The following SAP130 variants were observed in gnomAD, a reference collection of about 807,000 sequenced individuals.
SAP130 encodes Sin3A associated protein 130.
In SAP130, 16 loss-of-function variants were observed where a neutral mutation model predicts 103.2. The ratio of observed to expected loss-of-function variants is 0.16; its 90% CI spans 0.10 to 0.24. The LOEUF (loss-of-function observed/expected upper bound fraction) is 0.24. Among genes scored for constraint, SAP130 ranks in the 10% least tolerant of loss-of-function variants. The probability of loss-of-function intolerance (pLI) is 1.00; values close to 1 mark genes in which losing one functional copy is unlikely to be tolerated. For synonymous variants in SAP130, 477 were observed against 497.0 expected (o/e 0.96, Z 0.53); for missense variants, 990 against 1,359.7 (o/e 0.73, Z 4.28).
chr2:128,012,542 C>T (rs1419114430), intron 6 of SAP130, among the ~76,000 whole-genome samples: 1 of 152,026 alleles, frequency 6.6e-6, no homozygotes, highest in Admixed American at 6.6e-5. Context: ...TACTCCATAT[C>T]CTAGAGAACC....
intron 19 of SAP130, among the ~76,000 whole-genome samples, chr2:127,944,018 T>C (rs1678887137): frequency 6.6e-6 from 1 of 152,214 alleles, no homozygotes; most frequent in Admixed American, 6.5e-5. Flanking sequence ...CTTTGTATCT[T>C]TATTCTATAA....
At chr2:128,009,056 G>T (rs1202300202) in intron 7 of SAP130, among the ~76,000 whole-genome samples, 1 of 152,020 alleles carries the variant, frequency 6.6e-6, no homozygotes, top group East Asian at 1.9e-4. Context: ...CCTCCACCCT[G>T]TTAGGTATAC....
chr2:128,025,729 G>A (rs1042784529), intron 2 of SAP130, among the ~76,000 whole-genome samples: 1 of 152,118 alleles, frequency 6.6e-6, no homozygotes, highest in African/African-American at 2.4e-5. Flanking sequence ...TCAGAAAGTG[G>A]AGCATCATGG....
At chr2:127,990,833 C>T (rs1262757625) in intron 12 of SAP130, among the ~76,000 whole-genome samples, 1 of 149,898 alleles carries the variant, frequency 6.7e-6, no homozygotes, top group African/African-American at 2.5e-5. Context: ...TCCAGCTACT[C>T]AGGAGGCTGA....
intron 18 of SAP130, among the ~76,000 whole-genome samples, chr2:127,947,764 C>CTGTGTGTGTGAG (rs147211610): frequency 0.016 from 2,327 of 143,356 alleles, 30 homozygotes; most frequent in East Asian, 0.034. Context: ...TTGTGTGTGT[C>CTGTGTGTGTGAG]TGTGTGTGTG....
chr2:127,947,809 C>T (rs993267065), intron 18 of SAP130, among the ~76,000 whole-genome samples: 4 of 29,860 alleles, frequency 1.3e-4, no homozygotes, highest in East Asian at 1.2e-3. Context: ...TGTTTTGAGA[C>T]GGAGTCTCAC....
intron 14 of SAP130, among the ~76,000 whole-genome samples, chr2:127,984,388 T>C (rs1682220693): frequency 6.6e-6 from 1 of 152,226 alleles, no homozygotes; most frequent in Admixed American, 6.5e-5. Flanking sequence ...TTATTGTGGT[T>C]TCTGTCTTCC....
rs1204534750 is a variant in SAP130, at chr2:127,942,079, C to T, written c.3101G>A (p.Arg1034His). The change falls in exon 21 of 21, where the codon CGT (arginine) becomes CAT (histidine). Residue 1034 changes from arginine (R) to histidine (H), a missense_variant. By Grantham distance (29) the Arg-to-His change is conservative (BLOSUM62 0). Around this residue, in one of 6 missense-constraint regions of SAP130, gnomAD observed 69 missense variants for 165.7 expected, o/e 0.42. Transcript: ENST00000643581. This position sits in a 1 kb window ranked among gnomAD's most constrained non-coding sequence, Gnocchi z 4.8. ...SMLKVLDHKD[R>H]VLKLLNKNGT... is the part of the protein sequence containing the mutation. ...GTTCTTGTTAAGCAGCTTCAGGACA[C>T]GGTCTTTATGATCTAAAACCTTAAG... 5.6e-6 allele frequency: 9 copies of T among 1,610,454 alleles called. No individual in the cohort carries two copies. The highest frequency in any genetic ancestry group is 2.7e-5 in the African/African-American group (2 of 74,594).
At chr2:127,970,017 C>A (rs1243282554) in intron 15 of SAP130, among the ~76,000 whole-genome samples, 1 of 151,944 alleles carries the variant, frequency 6.6e-6, no homozygotes, top group Non-Finnish European at 1.5e-5. Flanking sequence ...ATCACGAGGT[C>A]AAGAGATCGA....
Position 127,955,258 on chromosome 2 carries a change from T to C in SAP130, c.2150A>G (p.Gln717Arg). 2 of 1,613,880 alleles carry C rather than the reference T, an allele frequency of 1.2e-6. No individual in the cohort carries two copies. The highest frequency in any genetic ancestry group is 1.7e-6 in the Non-Finnish European group (2 of 1,179,876). Residue 717 changes from glutamine (Q) to arginine (R), a missense_variant, in exon 16 of 21, where the codon CAG becomes CGG. Physicochemically the swap from Gln to Arg is conservative, Grantham distance 43 (BLOSUM62 1). Transcript: ENST00000643581. This position sits in a 1 kb window ranked among gnomAD's most constrained non-coding sequence, Gnocchi z 4.9. ...AGTTGGAGGGACGGCAATGGTAGGC[T>C]GATCATTATTTTGATTGGATACAGT... ...METVSNQNND[Q>R]PTIAVPPTAQ...
chr2:127,944,306 G>A (rs1678913536), intron 19 of SAP130, among the ~76,000 whole-genome samples: 2 of 151,994 alleles, frequency 1.3e-5, no homozygotes, highest in South Asian at 4.1e-4. Context: ...AAAGTACTGG[G>A]ATCACAGGCC....
At chr2:128,012,770 C>T (rs1194384724) in intron 6 of SAP130, among the ~76,000 whole-genome samples, 1 of 151,794 alleles carries the variant, frequency 6.6e-6, no homozygotes, top group Non-Finnish European at 1.5e-5. Flanking sequence ...CCATCACTCC[C>T]TTCCTTGCCA....
chr2:128,004,360 CCTT>C (rs2105118187), intron 7 of SAP130, among the ~76,000 whole-genome samples: 1 of 97,122 alleles, frequency 1.0e-5, no homozygotes, highest in African/African-American at 4.2e-5. Context: ...TGCTTTCTTT[CCTT>C]TTTTTTTTTT....
chr2:128,012,730 T>C (rs1295178358), intron 6 of SAP130, among the ~76,000 whole-genome samples: 2 of 151,840 alleles, frequency 1.3e-5, no homozygotes, highest in African/African-American at 4.8e-5. Context: ...CCCTCAATCC[T>C]AGCTAGCCTT....
At position 127,984,249 on chromosome 2, in the gene SAP130, T is replaced by C. The variant is rs189328561; in HGVS notation, c.1958+2536A>G. ...TGCATAGCACTGTGTTACTGTTTTG[T>C]GGATGCAACCTTTTCTTTTGTCTTT... On this transcript the variant is annotated intron_variant, in intron 14 of 20. Coordinates refer to ENST00000643581, the MANE Select transcript of SAP130 (RefSeq NM_001330301.2). Among the ~76,000 whole-genome samples the C allele has an allele frequency of 5.9e-3, 893 of 152,342 alleles. 8 individuals carry two copies. The highest frequency in any genetic ancestry group is 8.0e-3 in the Non-Finnish European group (544 of 68,030).
At chr2:128,001,189 T>C (rs1450768051) in intron 7 of SAP130, among the ~76,000 whole-genome samples, 1 of 152,206 alleles carries the variant, frequency 6.6e-6, no homozygotes, top group Non-Finnish European at 1.5e-5. Flanking sequence ...GGTAGCAAGC[T>C]ACTGAAATGG....
chr2:127,958,603 T>A (rs1401526182), intron 15 of SAP130, among the ~76,000 whole-genome samples: 1 of 149,864 alleles, frequency 6.7e-6, no homozygotes, highest in African/African-American at 2.5e-5. Flanking sequence ...TGCCACACAC[T>A]CTCTCTCTCA....
intron 15 of SAP130, among the ~76,000 whole-genome samples, chr2:127,961,269 GC>G (rs1329134938): frequency 6.7e-6 from 1 of 150,000 alleles, no homozygotes; most frequent in Non-Finnish European, 1.5e-5. Flanking sequence ...CCCTCTAGCA[GC>G]TGAGACTACA....
At chr2:128,006,432 A>G (rs993181397) in intron 7 of SAP130, among the ~76,000 whole-genome samples, 1 of 152,162 alleles carries the variant, frequency 6.6e-6, no homozygotes, top group African/African-American at 2.4e-5. Flanking sequence ...CCTTGAACCA[A>G]TTTCATTATC....
Sources: allele counts gnomAD v4.1 joint callset (sites outside exome capture counted in the v4.1 genomes callset), GRCh38; gene constraint gnomAD v4.1.1; regional missense constraint gnomAD v4.1.1; non-coding constraint Gnocchi (gnomAD v3.1); transcripts MANE v1.5; gene names NCBI Gene and HGNC (gene_info 2026-07-23, HGNC 2026-07-21).